Variants in KIF1B observed in about 807,000 individuals in gnomAD.
KIF1B encodes the protein kinesin-like protein KIF1B.
A neutral mutation model predicts 241.9 loss-of-function variants in KIF1B; 76 were observed. That is an observed-to-expected ratio of 0.31 (90% confidence interval 0.26 to 0.38). The LOEUF (loss-of-function observed/expected upper bound fraction) is 0.38, where lower values mean the gene tolerates loss of function less well. Among genes scored for constraint, KIF1B ranks in the 10% least tolerant of loss-of-function variants. KIF1B has a pLI of 1.00. For synonymous variants in KIF1B, 750 were observed against 796.7 expected (o/e 0.94, Z 0.99); for missense variants, 1,622 against 2,271.4 (o/e 0.71, Z 5.81).
At chr1:10,241,932 A>G (rs766256862) in intron 2 of KIF1B, among the ~76,000 whole-genome samples, 4 of 152,146 alleles carry the variant, frequency 2.6e-5, no homozygotes, top group Non-Finnish European at 2.9e-5. Context: ...AAGGGATGCT[A>G]CTTCTGTCTC....
intron 22 of KIF1B, among the ~76,000 whole-genome samples, chr1:10,318,789 C>T (rs1047651166): frequency 5.9e-5 from 9 of 152,102 alleles, no homozygotes; most frequent in South Asian, 2.1e-4. Context: ...TTTAGTATTG[C>T]GCTGTTTGAA....
At chr1:10,266,027 G>C (rs961039047) in intron 5 of KIF1B, among the ~76,000 whole-genome samples, 2 of 152,190 alleles carry the variant, frequency 1.3e-5, no homozygotes, top group African/African-American at 4.8e-5. Flanking sequence ...CCATGATACA[G>C]AAGGATCTGT....
In KIF1B at chr1:10,272,324, T is replaced by TAAAC; in HGVS notation, c.864+18_864+19insAAAC. ...CCGAGGTGGTAAGTTTTATACTTCA[T>TAAAC]TATAAGGGGAGTTGTGTCTGTTCAG... On this transcript the variant is annotated intron_variant, in intron 9 of 48. Transcript: ENST00000676179. 6.7e-7 allele frequency: 1 copy of TAAAC among 1,494,992 alleles called. No homozygotes were observed. 92.6% of individuals were successfully genotyped at this position (1,494,992 alleles called of 1,614,324 possible).
At chr1:10,269,529 A>G (rs1172158050) in intron 7 of KIF1B, among the ~76,000 whole-genome samples, 1 of 147,206 alleles carries the variant, frequency 6.8e-6, no homozygotes, top group African/African-American at 2.5e-5. Flanking sequence ...AAAAAAAAAA[A>G]CACACTCCTA....
chr1:10,228,523 A>G (rs1441034416), intron 1 of KIF1B, among the ~76,000 whole-genome samples: 1 of 152,246 alleles, frequency 6.6e-6, no homozygotes. Context: ...AGGGTTAAGC[A>G]GTGGTTTAAA....
intron 18 of KIF1B, 49 bp downstream of exon 18, chr1:10,295,214 G>C (rs769740199): frequency 1.8e-6 from 2 of 1,113,700 alleles, no homozygotes; most frequent in Non-Finnish European, 2.8e-6. Flanking sequence ...CCCCCTCTTA[G>C]ATAATTGAAT....
chr1:10,272,600 G>A lies in KIF1B; in HGVS notation c.864+294G>A, dbSNP rs534589742. On this transcript the variant is annotated intron_variant, in intron 9 of 48. Coordinates refer to ENST00000676179, the MANE Select transcript of KIF1B (RefSeq NM_001365951.3). ...ATTTTATGTTTCTCACAAAAACCAA[G>A]TATATTTATTGTCTCTTCTTTTCCT... The A allele has an allele frequency of 2.3e-4, 117 of 504,104 alleles. 2 individuals are homozygous for A. The East Asian group carries it at 4.2e-3, about 18-fold the overall frequency. 31.2% of individuals were successfully genotyped at this position (504,104 alleles called of 1,614,324 possible).
At chr1:10,345,783 G>A in intron 34 of KIF1B, 62 bp from the exon 35 acceptor site, 1 of 1,186,260 alleles carries the variant, frequency 8.4e-7, no homozygotes, top group East Asian at 2.3e-5. Context: ...CATTAGAGAA[G>A]CTTGTATTTT....
At chr1:10,234,277 G>T (rs1356495993) in intron 2 of KIF1B, among the ~76,000 whole-genome samples, 1 of 150,632 alleles carries the variant, frequency 6.6e-6, no homozygotes, top group African/African-American at 2.4e-5. Context: ...GTGTGATCTC[G>T]GCTCACTGTA....
chr1:10,257,849 T>A (rs1037289028), intron 3 of KIF1B, among the ~76,000 whole-genome samples: 15 of 152,042 alleles, frequency 9.9e-5, no homozygotes, highest in African/African-American at 2.4e-4. Flanking sequence ...CTGATTTTTT[T>A]AATTTTTAGT....
intron 2 of KIF1B, among the ~76,000 whole-genome samples, chr1:10,248,227 G>A (rs1461513403): frequency 3.3e-5 from 5 of 152,014 alleles, no homozygotes; most frequent in Non-Finnish European, 5.9e-5. Flanking sequence ...ACAGGGTCTC[G>A]TTATGTTGCC....
At chr1:10,286,145 C>T (rs4845932) in intron 15 of KIF1B, among the ~76,000 whole-genome samples, 50,974 of 151,554 alleles carry the variant, frequency 0.34, 8,686 homozygotes, top group Admixed American at 0.38. Context: ...GTTCAAGCAA[C>T]TCTCCTGCCT....
intron 22 of KIF1B, among the ~76,000 whole-genome samples, chr1:10,314,322 AAGT>A (rs1373077908): frequency 6.6e-6 from 1 of 151,598 alleles, no homozygotes; most frequent in Non-Finnish European, 1.5e-5. Context: ...AAAAGCTCGT[AAGT>A]AGCCTGGTTT....
Position 10,334,568 on chromosome 1 carries a change from C to T in KIF1B, c.2973C>T (p.His991=). 2 of 1,614,104 alleles carry T rather than the reference C, an allele frequency of 1.2e-6. No individual in the cohort carries two copies. The highest frequency in any genetic ancestry group is 2.2e-5 in the East Asian group (1 of 44,870). ...TGCTGTATCCCGTGCCCCTGATCCA[C>T]AGGGTGGCCATCGTCAGTGAGAAAG... ...SNLLYPVPLI[H]RVAIVSEKGE... The change falls in exon 28 of 49, where the codon CAC becomes CAT. Residue 991 remains histidine (H), a synonymous_variant. Coordinates refer to ENST00000676179, the MANE Select transcript of KIF1B (RefSeq NM_001365951.3).
chr1:10,265,681 C>CA (rs960920298), intron 5 of KIF1B, among the ~76,000 whole-genome samples: 33 of 151,266 alleles, frequency 2.2e-4, no homozygotes, highest in South Asian at 4.2e-4. Flanking sequence ...CCTGTCTCTG[C>CA]AAAAAAAAAT....
At chr1:10,321,901 C>A (rs375956330) in intron 24 of KIF1B, 44 bp downstream of exon 24, 12 of 1,611,122 alleles carry the variant, frequency 7.4e-6, no homozygotes, top group Middle Eastern at 1.7e-4. Flanking sequence ...CAAAGCCGAG[C>A]CTGCTGTGGG....
At chr1:10,370,553 G>C (rs1638700585) in intron 44 of KIF1B, among the ~76,000 whole-genome samples, 1 of 149,888 alleles carries the variant, frequency 6.7e-6, no homozygotes, top group South Asian at 2.1e-4. Flanking sequence ...GACATAGCAA[G>C]ACCTTATCTC....
At chr1:10,324,360 A>AT (rs1335109870) in intron 25 of KIF1B, among the ~76,000 whole-genome samples, 1 of 152,132 alleles carries the variant, frequency 6.6e-6, no homozygotes, top group Non-Finnish European at 1.5e-5. Context: ...GAACTTATTT[A>AT]TTTTTTCTAT....
chr1:10,323,405 G>C (rs1651598603), intron 24 of KIF1B, among the ~76,000 whole-genome samples: 1 of 152,140 alleles, frequency 6.6e-6, no homozygotes, highest in African/African-American at 2.4e-5. Flanking sequence ...TGGATCATTT[G>C]AGCTCAGGAG....
Sources: allele counts gnomAD v4.1 joint callset (sites outside exome capture counted in the v4.1 genomes callset), GRCh38; gene constraint gnomAD v4.1.1; transcripts MANE v1.5; gene names NCBI Gene and HGNC (gene_info 2026-07-23, HGNC 2026-07-21).